Variants in MYCT1 observed in about 807,000 individuals in gnomAD.
MYCT1 encodes MYC target 1.
MYCT1 carries 12 observed loss-of-function variants against 15.0 expected under a neutral mutation model. That is an observed-to-expected ratio of 0.80 (90% CI 0.51 to 1.29). The LOEUF (loss-of-function observed/expected upper bound fraction) is 1.29, where lower values mean the gene tolerates loss of function less well. MYCT1 is among the 50% of genes most tolerant of loss of function. The pLI, the probability that MYCT1 is intolerant of heterozygous loss-of-function variation, is 0.00. For missense variants in MYCT1, 287 were observed against 279.1 expected, an observed-to-expected ratio of 1.03 and a Z score of -0.20; for synonymous variants, 104 against 102.7, an observed-to-expected ratio of 1.01 and a Z score of -0.07.
chr6:152,702,475 C>T (rs1401017806), intron 1 of MYCT1, among the ~76,000 whole-genome samples: 1 of 152,148 alleles, frequency 6.6e-6, no homozygotes, highest in Non-Finnish European at 1.5e-5. Flanking sequence ...AGACTTAATT[C>T]TCTCTAAGGT....
At chr6:152,713,070 G>T (rs913369511) in intron 1 of MYCT1, among the ~76,000 whole-genome samples, 5 of 151,870 alleles carry the variant, frequency 3.3e-5, no homozygotes, top group African/African-American at 1.2e-4. Flanking sequence ...GTTCCACAAG[G>T]CCTAGAGGCT....
At chr6:152,745,993 C>T in the MYCT1 span, among the ~76,000 whole-genome samples, 2 of 152,196 alleles carry the variant, frequency 1.3e-5, no homozygotes, top group Admixed American at 6.5e-5. Flanking sequence ...TCCATCCCTT[C>T]CACTCTACCA....
At chr6:152,713,138 C>A (rs964106455) in intron 1 of MYCT1, among the ~76,000 whole-genome samples, 2 of 151,972 alleles carry the variant, frequency 1.3e-5, no homozygotes, top group Non-Finnish European at 2.9e-5. Context: ...TCTATTAATA[C>A]ACCTTTAAGT....
chr6:152,734,950 G>C, the MYCT1 span, among the ~76,000 whole-genome samples: 1 of 152,198 alleles, frequency 6.6e-6, no homozygotes, highest in East Asian at 1.9e-4. Context: ...TTGGAAATTT[G>C]TTTTTTAAAA....
chr6:152,722,234 A>G lies in MYCT1; in HGVS notation c.689A>G (p.Lys230Arg). Residue 230 changes from lysine to arginine, a missense_variant, in exon 2 of 2, where the codon AAG becomes AGG. Transcript: ENST00000367245. ...PPPPAYESII[K>R]AFPDS ...CCACCTGCCTATGAGTCCATCATCA[A>G]GGCATTCCCAGATTCCTGAGTAGGG... The G allele has an allele frequency of 6.2e-7, 1 of 1,611,518 alleles. No homozygotes were observed. Among genetic ancestry groups the G allele is most frequent in the Non-Finnish European group, 8.5e-7 (1 of 1,178,620 alleles).
chr6:152,744,093 C>A, the MYCT1 span, among the ~76,000 whole-genome samples: 4 of 152,300 alleles, frequency 2.6e-5, no homozygotes, highest in African/African-American at 9.6e-5. Context: ...TGGTGTCTGG[C>A]TTCTGGCAGC....
At chr6:152,721,083 G>A (rs916114567) in intron 1 of MYCT1, among the ~76,000 whole-genome samples, 13 of 152,170 alleles carry the variant, frequency 8.5e-5, no homozygotes, top group Admixed American at 5.9e-4. Flanking sequence ...AGAAGCATGA[G>A]CTGGAACCTG....
At chr6:152,706,411 TG>T (rs2099722261) in intron 1 of MYCT1, among the ~76,000 whole-genome samples, 2 of 152,212 alleles carry the variant, frequency 1.3e-5, no homozygotes, top group South Asian at 4.1e-4. Context: ...TACAATGTAC[TG>T]CTTTCAACTT....
the MYCT1 span, among the ~76,000 whole-genome samples, chr6:152,742,390 C>G: frequency 6.6e-6 from 1 of 152,004 alleles, no homozygotes; most frequent in Admixed American, 6.6e-5. Flanking sequence ...CTTTTGAGAA[C>G]CTGAAAGTTG....
rs1375510919 is a variant in MYCT1 at position 152,720,530 on chromosome 6, T to C, written c.197-1212T>C. On this transcript the variant is annotated intron_variant, in intron 1 of 1. Coordinates refer to ENST00000367245, the MANE Select transcript of MYCT1 (RefSeq NM_025107.3). ...AGCAATTAGATATGATAGCTTACCT[T>C]TCTACTTAGCAGTAACTTATTTTTG... Among the ~76,000 whole-genome samples the C allele has an allele frequency of 3.3e-5, 5 of 152,356 alleles. No individual in the cohort carries two copies. The Middle Eastern group carries it at 0.01, about 311-fold the overall frequency.
At chr6:152,703,227 A>G (rs1344165044) in intron 1 of MYCT1, among the ~76,000 whole-genome samples, 1 of 152,220 alleles carries the variant, frequency 6.6e-6, no homozygotes. Context: ...TAAATGGCAC[A>G]TTCCATTTCT....
intron 1 of MYCT1, among the ~76,000 whole-genome samples, chr6:152,717,482 A>T (rs1003550795): frequency 6.6e-6 from 1 of 152,030 alleles, no homozygotes. Flanking sequence ...GTGGAAGGTA[A>T]TTGAATCATG....
chr6:152,719,741 T>C lies in MYCT1; in HGVS notation c.197-2001T>C, dbSNP rs138156519. On this transcript the variant is annotated intron_variant, in intron 1 of 1. Coordinates refer to ENST00000367245, the MANE Select transcript of MYCT1 (RefSeq NM_025107.3). ...AGCAGTGATTATTCCTTTGTAGTTATTAACATTAGTTTGTTTTGTTATTTC... is the reference window on the plus strand; with the variant it reads ...AGCAGTGATTATTCCTTTGTAGTTACTAACATTAGTTTGTTTTGTTATTTC... Among the ~76,000 whole-genome samples, 313 of 152,338 alleles carry C rather than the reference T, an allele frequency of 2.1e-3. 2 individuals carry two copies. The highest frequency in any genetic ancestry group is 7.1e-3 in the African/African-American group (296 of 41,578).
downstream of MYCT1, among the ~76,000 whole-genome samples, chr6:152,727,153 G>A (rs1430417342): frequency 6.6e-6 from 1 of 150,948 alleles, no homozygotes; most frequent in African/African-American, 2.4e-5. Context: ...AGAGGTTGCC[G>A]TGAGCCGAGA....
At chr6:152,744,385 T>A in the MYCT1 span, among the ~76,000 whole-genome samples, 2 of 152,182 alleles carry the variant, frequency 1.3e-5, no homozygotes, top group East Asian at 3.9e-4. Flanking sequence ...AATCCTAAAA[T>A]TAAATATTGG....
chr6:152,716,865 G>T (rs1263708212), intron 1 of MYCT1, among the ~76,000 whole-genome samples: 4 of 152,124 alleles, frequency 2.6e-5, no homozygotes, highest in African/African-American at 7.2e-5. Flanking sequence ...GGTCTCATAA[G>T]TTGCATTATA....
At chr6:152,732,924 C>T in the MYCT1 span, among the ~76,000 whole-genome samples, 9 of 152,308 alleles carry the variant, frequency 5.9e-5, no homozygotes, top group Admixed American at 2.0e-4. Flanking sequence ...AAAACATTAG[C>T]GCCTTCTCAC....
At chr6:152,714,282 A>T in intron 1 of MYCT1, among the ~76,000 whole-genome samples, 1 of 144,850 alleles carries the variant, frequency 6.9e-6, no homozygotes, top group Non-Finnish European at 1.5e-5. Flanking sequence ...TGGCTTTGAT[A>T]ATTTCCTCTA....
At chr6:152,703,810 GC>G (rs2099721735) in intron 1 of MYCT1, among the ~76,000 whole-genome samples, 1 of 151,944 alleles carries the variant, frequency 6.6e-6, no homozygotes, top group South Asian at 2.1e-4. Context: ...TAAGATTTTA[GC>G]TTTCATATTT....
Sources: gnomAD v4.1 joint callset for allele counts (sites outside exome capture counted in the v4.1 genomes callset) on GRCh38, gnomAD v4.1.1 for gene constraint, MANE v1.5 for transcripts, NCBI Gene and HGNC (gene_info 2026-07-23, HGNC 2026-07-21) for gene names.